FGD4: variants seen among roughly 807,000 people sequenced by gnomAD.
The protein encoded by FGD4 is FYVE, RhoGEF and PH domain containing 4.
A neutral mutation model predicts 102.0 loss-of-function variants in FGD4; 42 were observed. That is an observed-to-expected ratio of 0.41 (90% CI 0.32 to 0.53). The LOEUF is 0.53. Among genes scored for constraint, FGD4 ranks in the 20% least tolerant of loss-of-function variants. The pLI is 0.21. For synonymous variants in FGD4, 380 were observed against 375.7 expected, an observed-to-expected ratio of 1.01 and a Z score of -0.13; for missense variants, 902 against 1,078.2, an observed-to-expected ratio of 0.84 and a Z score of 2.29.
intron 1 of FGD4, among the ~76,000 whole-genome samples, chr12:32,528,498 C>G (rs1413517640): frequency 6.6e-6 from 1 of 152,106 alleles, no homozygotes. Flanking sequence ...AAGCAATTCT[C>G]CTGACTCAAG....
intron 1 of FGD4, among the ~76,000 whole-genome samples, chr12:32,436,995 G>A (rs1456520874): frequency 6.6e-6 from 1 of 151,834 alleles, no homozygotes; most frequent in Non-Finnish European, 1.5e-5. Flanking sequence ...TGTAGTCCCA[G>A]CTATGTGGGA....
intron 1 of FGD4, among the ~76,000 whole-genome samples, chr12:32,460,122 T>C (rs1048112571): frequency 6.6e-6 from 1 of 152,148 alleles, no homozygotes; most frequent in Non-Finnish European, 1.5e-5. Flanking sequence ...GTATGAACTT[T>C]ACCTGACATT....
At chr12:32,428,489 C>G (rs1941927971) in intron 1 of FGD4, among the ~76,000 whole-genome samples, 2 of 151,718 alleles carry the variant, frequency 1.3e-5, no homozygotes, top group African/African-American at 2.4e-5. Flanking sequence ...TTCTGTCTGC[C>G]CTTAACATTT....
At chr12:32,571,879 G>A (rs1945698854) in intron 2 of FGD4, among the ~76,000 whole-genome samples, 1 of 152,146 alleles carries the variant, frequency 6.6e-6, no homozygotes, top group South Asian at 2.1e-4. Context: ...GAGCCAAGCA[G>A]TAAGAAAGTT....
chr12:32,609,108 C>T (rs2136741089), intron 8 of FGD4, among the ~76,000 whole-genome samples: 1 of 152,258 alleles, frequency 6.6e-6, no homozygotes, highest in African/African-American at 2.4e-5. Context: ...AGATGATCCA[C>T]CCACCTCAGC....
rs938724024 is a variant in FGD4 at position 32,408,292 on chromosome 12, C to G, written c.166+8333C>G. 1.6e-4 allele frequency among the ~76,000 whole-genome samples: 25 copies of G among 151,990 alleles called. 1 individual carries two copies. Among genetic ancestry groups the G allele is most frequent in the Non-Finnish European group, 2.9e-5 (2 of 68,012 alleles). ...CAAGCAATTCTCCTGCCTCAGCCTC[C>G]CGAGTAGCTGGGATTACAGGCATGT... On this transcript the variant is annotated intron_variant, in intron 1 of 16. Coordinates refer to ENST00000534526, the MANE Select transcript of FGD4 (RefSeq NM_001370298.3).
At chr12:32,468,741 A>G (rs767359322) in intron 1 of FGD4, among the ~76,000 whole-genome samples, 17 of 152,170 alleles carry the variant, frequency 1.1e-4, no homozygotes, top group Non-Finnish European at 1.8e-4. Context: ...GACCCTGTCA[A>G]AGGAAGAAAA....
At chr12:32,445,416 C>T (rs1003799026) in intron 1 of FGD4, among the ~76,000 whole-genome samples, 4 of 152,136 alleles carry the variant, frequency 2.6e-5, no homozygotes, top group Admixed American at 6.6e-5. Flanking sequence ...TTGATTTACT[C>T]GTGGACCATT....
chr12:32,537,827 T>A (rs964929019), intron 1 of FGD4, among the ~76,000 whole-genome samples: 3 of 152,216 alleles, frequency 2.0e-5, no homozygotes, highest in African/African-American at 7.2e-5. Context: ...GATATAATAA[T>A]AGCCTCTCAC....
Position 32,453,237 on chromosome 12 carries a change from A to ATATAT in FGD4, c.166+53279_166+53280insATATT, listed in dbSNP as rs768366013. ...ATATATATAATATAGATATATATAT[A>ATATAT]TTTTTTTTTTTTTAAATGTAGAGCC... On this transcript the variant is annotated intron_variant, in intron 1 of 16. Transcript: ENST00000534526. 1.1e-3 allele frequency among the ~76,000 whole-genome samples: 104 copies of ATATAT among 90,524 alleles called. 2 individuals are homozygous for ATATAT. The highest frequency in any genetic ancestry group is 1.7e-3 in the Non-Finnish European group (83 of 48,888). The allele number at this position is 90,524 out of a possible 152,430, so 59.4% of individuals were successfully genotyped here. A position where few individuals can be genotyped will look rare whatever the true frequency, so the allele number is the denominator to read the frequency against.
chr12:32,444,770 C>T (rs1942563408), intron 1 of FGD4, among the ~76,000 whole-genome samples: 1 of 152,084 alleles, frequency 6.6e-6, no homozygotes, highest in Admixed American at 6.6e-5. Flanking sequence ...AAGGTGAGAC[C>T]TGAGGTGAAG....
intron 1 of FGD4, among the ~76,000 whole-genome samples, chr12:32,431,081 G>T (rs1472848944): frequency 6.6e-6 from 1 of 152,172 alleles, no homozygotes; most frequent in Non-Finnish European, 1.5e-5. Flanking sequence ...TAACCTGGGA[G>T]ATTCTCTGTA....
chr12:32,413,127 C>T lies in FGD4; in HGVS notation c.166+13168C>T, dbSNP rs148130520. Among the ~76,000 whole-genome samples the T allele has an allele frequency of 4.8e-3, 720 of 151,282 alleles. 5 individuals carry two copies. Among genetic ancestry groups the T allele is most frequent in the African/African-American group, 0.013 (533 of 41,206 alleles). On this transcript the variant is annotated intron_variant, in intron 1 of 16. Coordinates refer to ENST00000534526, the MANE Select transcript of FGD4 (RefSeq NM_001370298.3). ...AGCCAATTTGATTAAAAATAATTAC[C>T]AACAGGGTGGGGGCTAGGGGAGGGA...
intron 1 of FGD4, among the ~76,000 whole-genome samples, chr12:32,542,134 A>C (rs1942889013): frequency 7.0e-6 from 1 of 141,946 alleles, no homozygotes; most frequent in Non-Finnish European, 1.5e-5. Flanking sequence ...TTTATCTATT[A>C]ATGCCGTGAA....
At chr12:32,581,350 C>T (rs1271773372) in intron 3 of FGD4, among the ~76,000 whole-genome samples, 2 of 152,052 alleles carry the variant, frequency 1.3e-5, no homozygotes, top group African/African-American at 4.8e-5. Flanking sequence ...GTGAGGAAGC[C>T]CTCAGAGTTT....
chr12:32,590,597 C>T (rs943852224), intron 4 of FGD4, among the ~76,000 whole-genome samples: 3 of 152,058 alleles, frequency 2.0e-5, no homozygotes, highest in Non-Finnish European at 4.4e-5. Context: ...TTTCACAGAC[C>T]CGGGTTTGAA....
chr12:32,456,893 T>A (rs1244246859), intron 1 of FGD4, among the ~76,000 whole-genome samples: 1 of 152,140 alleles, frequency 6.6e-6, no homozygotes, highest in Non-Finnish European at 1.5e-5. Flanking sequence ...ATTTGAAACA[T>A]AAAGGTCTTC....
At position 32,619,720 on chromosome 12, in the gene FGD4, G is replaced by A; in HGVS notation, c.1772G>A (p.Cys591Tyr). The A allele has an allele frequency of 6.2e-7, 1 of 1,614,034 alleles. No homozygotes were observed. The highest frequency in any genetic ancestry group is 1.3e-5 in the African/African-American group (1 of 74,992). Residue 591 changes from cysteine (C) to tyrosine (Y), a missense_variant, in exon 11 of 17, where the codon TGT becomes TAT. Cys to Tyr is a radical substitution (Grantham distance 194). Transcript: ENST00000534526. ...LFLFNNMLLY[C>Y]VPKFSLVGSK... ...CAGTTCAACAACATGTTGCTGTACT[G>A]TGTGCCCAAATTCAGCTTGGTAGGC...
chr12:32,450,731 G>C (rs1014665658), intron 1 of FGD4, among the ~76,000 whole-genome samples: 1 of 152,122 alleles, frequency 6.6e-6, no homozygotes, highest in African/African-American at 2.4e-5. Context: ...TTTACATGTT[G>C]TCTCTCTCTC....
Sources: allele counts gnomAD v4.1 joint callset (sites outside exome capture counted in the v4.1 genomes callset), GRCh38; gene constraint gnomAD v4.1.1; transcripts MANE v1.5; gene names NCBI Gene and HGNC (gene_info 2026-07-23, HGNC 2026-07-21).